The following HMCN1 variants were observed in gnomAD, a reference collection of about 807,000 sequenced individuals.
The protein encoded by HMCN1 is hemicentin-1.
A neutral mutation model predicts 625.9 loss-of-function variants in HMCN1; 321 were observed. The observed-to-expected ratio is 0.51, with a 90% CI of 0.47 to 0.56. The LOEUF (loss-of-function observed/expected upper bound fraction) is 0.56. Among genes scored for constraint, HMCN1 ranks in the 20% least tolerant of loss-of-function variants. HMCN1 has a pLI of 0.00. For missense variants in HMCN1, 6,588 were observed against 6,887.3 expected, an observed-to-expected ratio of 0.96 and a Z score of 1.54; for synonymous variants, 2,425 against 2,417.6, an observed-to-expected ratio of 1.00 and a Z score of -0.09.
chr1:185,828,606 C>A (rs980691430), intron 1 of HMCN1, among the ~76,000 whole-genome samples: 1 of 151,998 alleles, frequency 6.6e-6, no homozygotes, highest in Non-Finnish European at 1.5e-5. Context: ...CCTGAAAACA[C>A]AATACTTCTT....
intron 18 of HMCN1, among the ~76,000 whole-genome samples, chr1:185,983,421 G>A (rs1442485377): frequency 1.3e-5 from 2 of 151,198 alleles, no homozygotes; most frequent in Admixed American, 6.6e-5. Flanking sequence ...GCAAGACTCC[G>A]TCTCAAAAAA....
rs993819257 is a variant in HMCN1, at chr1:186,014,393, A to G, written c.4631-766A>G. Among the ~76,000 whole-genome samples the G allele has an allele frequency of 3.3e-5, 5 of 152,032 alleles. No homozygotes were observed. The South Asian group carries it at 1.0e-3, about 31-fold the overall frequency. On this transcript the variant is annotated intron_variant, in intron 30 of 106. Coordinates refer to ENST00000271588, the MANE Select transcript of HMCN1 (RefSeq NM_031935.3). Reference sequence around the variant, plus strand: ...CATTGTGCAGGTTAGTTACATATGTATACATGTGCCATGCTGGTTATAAGA... The same window carrying G: ...CATTGTGCAGGTTAGTTACATATGTGTACATGTGCCATGCTGGTTATAAGA...
At chr1:185,874,988 T>G (rs1182487558) in intron 4 of HMCN1, among the ~76,000 whole-genome samples, 2 of 151,726 alleles carry the variant, frequency 1.3e-5, no homozygotes, top group Non-Finnish European at 2.9e-5. Context: ...TGCAGTAATA[T>G]TATAATGAAT....
intron 4 of HMCN1, among the ~76,000 whole-genome samples, chr1:185,900,271 G>A (rs1014217380): frequency 5.9e-5 from 9 of 151,974 alleles, no homozygotes; most frequent in African/African-American, 2.2e-4. Flanking sequence ...TCTCTGGAGT[G>A]ATGATTTAGT....
chr1:185,960,040 T>G (rs547994181), intron 11 of HMCN1, among the ~76,000 whole-genome samples: 2 of 152,314 alleles, frequency 1.3e-5, no homozygotes, highest in South Asian at 4.1e-4. Context: ...TTTGACCATT[T>G]TCATTCAACT....
intron 1 of HMCN1, among the ~76,000 whole-genome samples, chr1:185,810,654 TTGTGTG>T (rs34235221): frequency 0.029 from 4,324 of 147,542 alleles, 173 homozygotes; most frequent in African/African-American, 0.094. Context: ...AATATCAACT[TTGTGTG>T]TGTGTGTGTG....
At chr1:186,160,871 G>T (rs1357828673) in intron 97 of HMCN1, among the ~76,000 whole-genome samples, 2 of 150,820 alleles carry the variant, frequency 1.3e-5, no homozygotes, top group African/African-American at 4.9e-5. Flanking sequence ...TAGGTGTGGT[G>T]TGGTGCTGAA....
intron 1 of HMCN1, among the ~76,000 whole-genome samples, chr1:185,790,854 T>G (rs1657940078): frequency 6.6e-6 from 1 of 152,244 alleles, no homozygotes; most frequent in Admixed American, 6.5e-5. Flanking sequence ...TAGCATGACA[T>G]ATAAGCCTTA....
intron 1 of HMCN1, among the ~76,000 whole-genome samples, chr1:185,735,826 A>C (rs1402405332): frequency 2.0e-5 from 3 of 152,202 alleles, no homozygotes; most frequent in Non-Finnish European, 4.4e-5. Flanking sequence ...TGTGAGGCTT[A>C]TAGGAGCCCC....
intron 11 of HMCN1, among the ~76,000 whole-genome samples, chr1:185,945,826 A>G (rs1321517110): frequency 6.6e-6 from 1 of 152,206 alleles, no homozygotes; most frequent in Non-Finnish European, 1.5e-5. Flanking sequence ...CAAACCCATA[A>G]TGATGTGATT....
intron 11 of HMCN1, among the ~76,000 whole-genome samples, chr1:185,956,258 A>G (rs570637530): frequency 2.0e-5 from 3 of 152,044 alleles, no homozygotes; most frequent in South Asian, 2.1e-4. Context: ...TGATCCTCCA[A>G]TTCATTTCTG....
chr1:185,856,804 G>T (rs1214869103), intron 2 of HMCN1, among the ~76,000 whole-genome samples: 1 of 152,166 alleles, frequency 6.6e-6, no homozygotes, highest in Non-Finnish European at 1.5e-5. Context: ...TCAATGAAAA[G>T]ACGAGAATAG....
At chr1:185,926,688 C>T (rs1009487116) in intron 9 of HMCN1, among the ~76,000 whole-genome samples, 4 of 152,106 alleles carry the variant, frequency 2.6e-5, no homozygotes, top group African/African-American at 9.7e-5. Context: ...CAAAATTAGG[C>T]ATGAGTGATG....
chr1:186,068,015 A>C lies in HMCN1; in HGVS notation c.7879+8A>C, dbSNP rs1658237952. On this transcript the variant is annotated splice_region_variant and intron_variant, in intron 50 of 106. Transcript: ENST00000271588. ...ATATTCGTATTCTTCCAGGTAATTC[A>C]TTTGCTTCAGATGTCCAAGATGCAT... 1 of 1,610,734 alleles carries C rather than the reference A, an allele frequency of 6.2e-7. No homozygotes were observed. Among genetic ancestry groups the C allele is most frequent in the Non-Finnish European group, 8.5e-7 (1 of 1,177,098 alleles).
At chr1:185,802,379 G>A (rs905728725) in intron 1 of HMCN1, among the ~76,000 whole-genome samples, 1 of 151,442 alleles carries the variant, frequency 6.6e-6, no homozygotes, top group Non-Finnish European at 1.5e-5. Context: ...GAGATTCTGC[G>A]AAAGTTGCCT....
Position 185,987,418 on chromosome 1 carries a change from A to G in HMCN1, c.2936-14A>G, listed in dbSNP as rs765478547. The stretch of plus-strand genomic sequence containing the variant: ...AACAGGTGCTCAGATTCCAAATCCT[A>G]CTTACCTTTTCAGTTCTGCCAACCA... On this transcript the variant is annotated splice_polypyrimidine_tract_variant and intron_variant, in intron 19 of 106. Transcript: ENST00000271588. The G allele has an allele frequency of 1.3e-6, 2 of 1,546,404 alleles. No homozygotes were observed. Among genetic ancestry groups the G allele is most frequent in the East Asian group, 4.5e-5 (2 of 44,580 alleles).
intron 103 of HMCN1, among the ~76,000 whole-genome samples, chr1:186,175,995 T>C (rs1381546381): frequency 1.3e-5 from 2 of 152,158 alleles, no homozygotes; most frequent in South Asian, 2.1e-4. Flanking sequence ...AAATAGTTTT[T>C]AAAGCAAAAT....
At chr1:185,981,911 T>C (rs572466900) in intron 17 of HMCN1, among the ~76,000 whole-genome samples, 2 of 152,298 alleles carry the variant, frequency 1.3e-5, no homozygotes, top group South Asian at 4.1e-4. Flanking sequence ...CAGAAAATGA[T>C]CCTGATGATT....
At chr1:185,932,012 G>A (rs1667575487) in intron 10 of HMCN1, among the ~76,000 whole-genome samples, 1 of 152,098 alleles carries the variant, frequency 6.6e-6, no homozygotes. Flanking sequence ...TCACATATGT[G>A]TGACCCAAAT....
Sources: allele counts gnomAD v4.1 joint callset (sites outside exome capture counted in the v4.1 genomes callset), GRCh38; gene constraint gnomAD v4.1.1; transcripts MANE v1.5; gene names NCBI Gene and HGNC (gene_info 2026-07-23, HGNC 2026-07-21).